Variants in DMD observed in about 807,000 individuals in gnomAD.
DMD encodes mutant dystrophin.
A neutral mutation model predicts 330.1 loss-of-function variants in DMD; 63 were observed. That is an observed-to-expected ratio of 0.19 (90% CI 0.16 to 0.24). The LOEUF (loss-of-function observed/expected upper bound fraction) is 0.24. Among genes scored for constraint, DMD ranks in the 10% least tolerant of loss-of-function variants. DMD has a pLI of 1.00. For synonymous variants in DMD, 1,223 were observed against 959.8 expected, an observed-to-expected ratio of 1.27 and a Z score of -5.07; for missense variants, 3,344 against 2,684.1, an observed-to-expected ratio of 1.25 and a Z score of -5.43.
At chrX:31,798,790 C>T (rs971932266) in intron 50 of DMD, among the ~76,000 whole-genome samples, 1 of 111,503 alleles carries the variant, frequency 9.0e-6, no homozygotes, top group African/African-American at 3.3e-5. Context: ...CAAAACAGAG[C>T]CAGGAAAAAA....
intron 42 of DMD, among the ~76,000 whole-genome samples, chrX:32,308,583 C>G (rs941940984): frequency 4.5e-5 from 5 of 111,047 alleles, no homozygotes; most frequent in South Asian, 3.7e-4. Flanking sequence ...GGGATTCAAC[C>G]ATTTAGCTAA....
At chrX:32,597,620 TGAAAA>T (rs971478082) in intron 12 of DMD, among the ~76,000 whole-genome samples, 2 of 111,562 alleles carry the variant, frequency 1.8e-5, no homozygotes, top group Non-Finnish European at 3.8e-5. Flanking sequence ...AATGTGGCTC[TGAAAA>T]AATCATTTCC....
chrX:32,568,024 A>C (rs2051943586), intron 15 of DMD, among the ~76,000 whole-genome samples: 1 of 112,495 alleles, frequency 8.9e-6, no homozygotes, highest in South Asian at 3.7e-4. Flanking sequence ...CCATTATTTA[A>C]ACAAAATATG....
chrX:32,194,451 G>A (rs755105774), intron 44 of DMD, among the ~76,000 whole-genome samples: 39 of 111,806 alleles, frequency 3.5e-4, no homozygotes, highest in Non-Finnish European at 6.4e-4. Context: ...CCATATTTGT[G>A]TCTATGACTT....
At chrX:32,335,905 T>C (rs757508522) in intron 41 of DMD, among the ~76,000 whole-genome samples, 2 of 106,838 alleles carry the variant, frequency 1.9e-5, no homozygotes, top group East Asian at 3.1e-4. Flanking sequence ...GTTATACATA[T>C]AACGTGTATA....
At chrX:31,748,862 G>C in intron 51 of DMD, among the ~76,000 whole-genome samples, 1 of 111,555 alleles carries the variant, frequency 9.0e-6, no homozygotes, top group South Asian at 3.8e-4. Context: ...GGTGGTGAAG[G>C]TGGAATAAAA....
chrX:33,166,851 C>T (rs1027359032), intron 1 of DMD, among the ~76,000 whole-genome samples: 4 of 109,732 alleles, frequency 3.6e-5, no homozygotes, highest in African/African-American at 1.3e-4. Flanking sequence ...CTGCCTTTTA[C>T]TAGTCTATCA....
chrX:31,510,652 C>A (rs758546112), intron 55 of DMD, among the ~76,000 whole-genome samples: 1 of 108,780 alleles, frequency 9.2e-6, no homozygotes, highest in Non-Finnish European at 1.9e-5. Context: ...GGACTATAGG[C>A]GCCCGCCACC....
intron 9 of DMD, among the ~76,000 whole-genome samples, chrX:32,673,405 T>A (rs1409088102): frequency 9.0e-6 from 1 of 111,295 alleles, no homozygotes; most frequent in East Asian, 2.8e-4. Flanking sequence ...AGAAAAAACC[T>A]CATGCTAATG....
chrX:33,190,783 A>G (rs2050498174), intron 1 of DMD, among the ~76,000 whole-genome samples: 1 of 74,127 alleles, frequency 1.3e-5, no homozygotes, highest in Admixed American at 2.0e-4. Context: ...CACCGCGCCC[A>G]GCCTGATCTT....
intron 1 of DMD, among the ~76,000 whole-genome samples, chrX:33,126,510 T>C (rs1395623127): frequency 9.0e-6 from 1 of 111,453 alleles, no homozygotes; most frequent in African/African-American, 3.3e-5. Flanking sequence ...GTGAATCTGA[T>C]GCCCACTCAA....
rs563090938 is a variant in DMD at position 32,179,749 on chromosome X, T to C, written c.6438+37167A>G. On this transcript the variant is annotated intron_variant, in intron 44 of 78. Coordinates refer to ENST00000357033, the MANE Select transcript of DMD (RefSeq NM_004006.3). ...GAGGTAATTGAATCACGGGGATGGT[T>C]CTGTGCTGAGGGAGCTAAATACTTG... 1.1e-4 allele frequency among the ~76,000 whole-genome samples: 12 copies of C among 111,783 alleles called. 1 individual carries two copies. In the South Asian group the frequency reaches 4.5e-3, roughly 42 times the overall value.
chrX:32,149,305 C>T (rs190980352), intron 44 of DMD, among the ~76,000 whole-genome samples: 7 of 111,542 alleles, frequency 6.3e-5, no homozygotes, highest in Admixed American at 5.7e-4. Context: ...TTGTTCTTTG[C>T]ATAGGATATT....
At position 31,438,268 on chromosome X, in the gene DMD, A is replaced by T. The variant is rs372325272; in HGVS notation, c.9084+6213T>A. Among the ~76,000 whole-genome samples the T allele has an allele frequency of 3.0e-4, 33 of 111,245 alleles. No homozygotes were observed. In the East Asian group the frequency reaches 7.3e-3, roughly 25 times the overall value. On this transcript the variant is annotated intron_variant, in intron 60 of 78. Coordinates refer to ENST00000357033, the MANE Select transcript of DMD (RefSeq NM_004006.3). ...AGTGTCTTACAGAAGTCATATATAT[A>T]TTTTTTTAACTTTTAAATTTGTCTG...
chrX:32,206,473 A>C, intron 44 of DMD: 1 of 554,509 alleles, frequency 1.8e-6, no homozygotes, highest in Non-Finnish European at 3.1e-6. Flanking sequence ...AAAAATGCAC[A>C]AAAGTCAAAT....
intron 60 of DMD, among the ~76,000 whole-genome samples, chrX:31,383,952 A>G (rs2060311015): frequency 8.9e-6 from 1 of 112,092 alleles, no homozygotes; most frequent in Non-Finnish European, 1.9e-5. Context: ...AAAATGGGCA[A>G]GATCTGAGGT....
chrX:31,864,556 C>A (rs1457539881), intron 48 of DMD, among the ~76,000 whole-genome samples: 1 of 89,361 alleles, frequency 1.1e-5, no homozygotes, highest in Non-Finnish European at 2.1e-5. Context: ...GTGGTGTGAT[C>A]TTGGCTCACT....
intron 4 of DMD, among the ~76,000 whole-genome samples, chrX:32,844,200 T>C (rs1250478605): frequency 3.7e-5 from 4 of 108,150 alleles, no homozygotes; most frequent in African/African-American, 1.3e-4. Context: ...AGGTCAGGAG[T>C]TCGAGACTAG....
In DMD at chrX:32,567,060, T is replaced by A. The variant is rs1280607267; in HGVS notation, c.1813-1179A>T. 3.6e-5 allele frequency among the ~76,000 whole-genome samples: 4 copies of A among 111,816 alleles called. No individual in the cohort carries two copies. The East Asian group carries it at 1.1e-3, about 32-fold the overall frequency. The stretch of plus-strand genomic sequence containing the variant: ...AGTGCCCCAAACCTAGAGCAGTCAA[T>A]ACACCTTCCTGAAAAGGACAATCTA... On this transcript the variant is annotated intron_variant, in intron 15 of 78. Transcript: ENST00000357033.
Sources: allele counts gnomAD v4.1 joint callset (sites outside exome capture counted in the v4.1 genomes callset), GRCh38; gene constraint gnomAD v4.1.1; transcripts MANE v1.5; gene names NCBI Gene and HGNC (gene_info 2026-07-23, HGNC 2026-07-21).